BCKDHB: variants seen among roughly 807,000 people sequenced by gnomAD.
The protein encoded by BCKDHB is 2-oxoisovalerate dehydrogenase subunit beta, mitochondrial.
A neutral mutation model predicts 48.5 loss-of-function variants in BCKDHB; 41 were observed. The ratio of observed to expected loss-of-function variants is 0.85; its 90% CI spans 0.66 to 1.10. The LOEUF is 1.10. Among genes scored for constraint, BCKDHB ranks in the 50% least tolerant of loss-of-function variants. The pLI, the probability that BCKDHB is intolerant of heterozygous loss-of-function variation, is 0.00. For missense variants in BCKDHB, 496 were observed against 494.2 expected, an observed-to-expected ratio of 1.00 and a Z score of -0.03; for synonymous variants, 201 against 174.8, an observed-to-expected ratio of 1.15 and a Z score of -1.18.
intron 8 of BCKDHB, among the ~76,000 whole-genome samples, chr6:80,210,948 C>A (rs1384600770): frequency 6.6e-6 from 1 of 151,998 alleles, no homozygotes; most frequent in Admixed American, 6.6e-5. Context: ...GTGGCCAGGC[C>A]GAATAGCTGT....
At chr6:80,368,081 G>A in the BCKDHB span, among the ~76,000 whole-genome samples, 1 of 152,164 alleles carries the variant, frequency 6.6e-6, no homozygotes, top group Non-Finnish European at 1.5e-5. Context: ...TCTAATAAGT[G>A]TCATGTGTAG....
chr6:80,276,916 A>G (rs774371145), intron 9 of BCKDHB, among the ~76,000 whole-genome samples: 1 of 151,984 alleles, frequency 6.6e-6, no homozygotes, highest in South Asian at 2.1e-4. Context: ...TTATATTTCT[A>G]TTGGATTTAA....
intron 9 of BCKDHB, among the ~76,000 whole-genome samples, chr6:80,303,814 T>C (rs574572912): frequency 1.5e-4 from 23 of 152,130 alleles, no homozygotes; most frequent in African/African-American, 4.1e-4. Context: ...TTTGAAAGAA[T>C]GGAGACCACT....
chr6:80,322,958 A>T (rs1768824021), intron 9 of BCKDHB, among the ~76,000 whole-genome samples: 1 of 147,368 alleles, frequency 6.8e-6, no homozygotes, highest in Admixed American at 6.9e-5. Context: ...TTTTTAACTA[A>T]TCTTGATGAA....
rs1211273270 is a variant in BCKDHB at position 80,208,358 on chromosome 6, A to G, written c.951+5146A>G. On this transcript the variant is annotated intron_variant, in intron 8 of 9. Coordinates refer to ENST00000320393, the MANE Select transcript of BCKDHB (RefSeq NM_183050.4). ...CTCAGAGGAAACTTTATAGCTGTAA[A>G]TATATAAATTTAGGAAATAGGAATA... Among the ~76,000 whole-genome samples the G allele has an allele frequency of 3.3e-5, 5 of 151,744 alleles. No individual in the cohort carries two copies. In the South Asian group the frequency reaches 6.2e-4, roughly 19 times the overall value.
At chr6:80,278,908 C>T (rs1778080284) in intron 9 of BCKDHB, among the ~76,000 whole-genome samples, 1 of 152,076 alleles carries the variant, frequency 6.6e-6, no homozygotes, top group South Asian at 2.1e-4. Context: ...AAGGTTTGAC[C>T]TGTTGAGCTT....
the BCKDHB span, among the ~76,000 whole-genome samples, chr6:80,452,191 C>T: frequency 1.3e-5 from 2 of 152,184 alleles, no homozygotes; most frequent in African/African-American, 4.8e-5. Flanking sequence ...TACATCACAT[C>T]TGCCCATGTT....
chr6:80,280,528 A>G (rs1455851815), intron 9 of BCKDHB, among the ~76,000 whole-genome samples: 1 of 152,200 alleles, frequency 6.6e-6, no homozygotes, highest in Non-Finnish European at 1.5e-5. Flanking sequence ...GAGCATAAAT[A>G]GAAACCTAAT....
chr6:80,460,123 T>C, the BCKDHB span, among the ~76,000 whole-genome samples: 1 of 152,114 alleles, frequency 6.6e-6, no homozygotes, highest in African/African-American at 2.4e-5. Context: ...TTTTAAGTCT[T>C]CAAGATATAT....
chr6:80,188,908 G>T (rs1366416775), intron 6 of BCKDHB, among the ~76,000 whole-genome samples: 1 of 152,118 alleles, frequency 6.6e-6, no homozygotes, highest in Non-Finnish European at 1.5e-5. Flanking sequence ...ACAGTTGCTG[G>T]GTCTGTGGTC....
the BCKDHB span, among the ~76,000 whole-genome samples, chr6:80,427,303 A>G: frequency 6.6e-6 from 1 of 152,108 alleles, no homozygotes; most frequent in South Asian, 2.1e-4. Context: ...AACTTACTCT[A>G]GTCTATCTTC....
Position 80,203,150 on chromosome 6 carries a change from G to A in BCKDHB, c.889G>A (p.Val297Met). 1 of 1,613,110 alleles carries A rather than the reference G, an allele frequency of 6.2e-7. No homozygotes were observed. Among genetic ancestry groups the A allele is most frequent in the Non-Finnish European group, 8.5e-7 (1 of 1,179,304 alleles). The change falls in exon 8 of 10, where the codon GTG (valine) becomes ATG (methionine). Residue 297 changes from valine to methionine, a missense_variant. Physicochemically the swap from Val to Met is conservative, Grantham distance 21. Coordinates refer to ENST00000320393, the MANE Select transcript of BCKDHB (RefSeq NM_183050.4). ...VASMAKEKLGVSCEVIDLRTI... is the reference protein window; with the variant it reads ...VASMAKEKLGMSCEVIDLRTI... The stretch of plus-strand genomic sequence containing the variant: ...TTCCATGGCAAAAGAAAAGCTTGGA[G>A]TGTCTTGTGAAGTCATTGATCTGAG...
At chr6:80,421,304 G>C in the BCKDHB span, among the ~76,000 whole-genome samples, 1 of 152,074 alleles carries the variant, frequency 6.6e-6, no homozygotes, top group Non-Finnish European at 1.5e-5. Flanking sequence ...CTCCCCAGCC[G>C]TGCAGAACTG....
intron 8 of BCKDHB, among the ~76,000 whole-genome samples, chr6:80,254,730 C>T (rs1328245833): frequency 6.6e-6 from 1 of 151,876 alleles, no homozygotes; most frequent in African/African-American, 2.4e-5. Flanking sequence ...AAAACAAAAC[C>T]AAAAACTACA....
At chr6:80,320,583 C>T (rs1768670744) in intron 9 of BCKDHB, among the ~76,000 whole-genome samples, 1 of 152,198 alleles carries the variant, frequency 6.6e-6, no homozygotes, top group African/African-American at 2.4e-5. Context: ...GTTCACAATT[C>T]AGCGACCGTT....
intron 9 of BCKDHB, chr6:80,307,594 A>G (rs1035908291): frequency 1.0e-6 from 1 of 984,502 alleles, no homozygotes; most frequent in African/African-American, 1.7e-5. Context: ...AAAAATAACA[A>G]GATCGTCAAC....
At chr6:80,323,762 A>C (rs1283892922) in intron 9 of BCKDHB, among the ~76,000 whole-genome samples, 1 of 152,156 alleles carries the variant, frequency 6.6e-6, no homozygotes, top group Non-Finnish European at 1.5e-5. Context: ...TGGAATTATT[A>C]GTGAGAAAAA....
intron 8 of BCKDHB, among the ~76,000 whole-genome samples, chr6:80,241,289 G>A (rs1205389842): frequency 1.3e-5 from 2 of 152,198 alleles, no homozygotes; most frequent in African/African-American, 2.4e-5. Context: ...GCTTTGTTCC[G>A]TTGCTGGTGA....
At chr6:80,295,946 C>A (rs746029037) in intron 9 of BCKDHB, among the ~76,000 whole-genome samples, 10 of 152,174 alleles carry the variant, frequency 6.6e-5, no homozygotes, top group African/African-American at 2.4e-4. Flanking sequence ...ATGTAAAATA[C>A]AGGAGTATAC....
Sources: allele counts gnomAD v4.1 joint callset (sites outside exome capture counted in the v4.1 genomes callset), GRCh38; gene constraint gnomAD v4.1.1; transcripts MANE v1.5; gene names NCBI Gene and HGNC (gene_info 2026-07-23, HGNC 2026-07-21).